The following LRRC37A2 variants were observed in gnomAD, a reference collection of about 807,000 sequenced individuals.
The protein encoded by LRRC37A2 is leucine rich repeat containing 37 member A2, also known as leucine-rich repeat-containing protein 37A2.
LRRC37A2 carries 9 observed loss-of-function variants against 68.8 expected under a neutral mutation model. The observed-to-expected ratio is 0.13, with a 90% CI of 0.08 to 0.23. The LOEUF (loss-of-function observed/expected upper bound fraction) is 0.23, where lower values mean the gene tolerates loss of function less well. Ranked by LOEUF, LRRC37A2 falls within the 10% of genes least tolerant of loss-of-function variation. The pLI, the probability that LRRC37A2 is intolerant of heterozygous loss-of-function variation, is 1.00. For synonymous variants in LRRC37A2, 63 were observed against 367.6 expected, an observed-to-expected ratio of 0.17 and a Z score of 9.48; for missense variants, 168 against 950.4, an observed-to-expected ratio of 0.18 and a Z score of 10.82.
At chr17:46,871,293 A>T in the LRRC37A2 span, among the ~76,000 whole-genome samples, 4 of 152,128 alleles carry the variant, frequency 2.6e-5, no homozygotes, top group Non-Finnish European at 5.9e-5. Flanking sequence ...AATGATGTAT[A>T]TTCCACCCAC....
At chr17:46,966,580 C>T in the LRRC37A2 span, 23 of 693,182 alleles carry the variant, frequency 3.3e-5, no homozygotes, top group Non-Finnish European at 6.1e-5. Flanking sequence ...AACTCCTGAG[C>T]TCAAGAGATC....
chr17:46,867,857 T>A, the LRRC37A2 span, among the ~76,000 whole-genome samples: 1 of 151,872 alleles, frequency 6.6e-6, no homozygotes, highest in African/African-American at 2.4e-5. Flanking sequence ...TGGTTGGGGG[T>A]GTCCTGGGGT....
chr17:46,491,174 G>A, the LRRC37A2 span, among the ~76,000 whole-genome samples: 3,591 of 151,024 alleles, frequency 0.024, 88 homozygotes, highest in Middle Eastern at 0.048. Flanking sequence ...TGGGATTATA[G>A]GCGTGAGCCA....
the LRRC37A2 span, chr17:46,876,327 T>G: frequency 1.9e-6 from 3 of 1,614,166 alleles, no homozygotes; most frequent in Non-Finnish European, 2.5e-6. Context: ...TGGAAGCAGC[T>G]CTCCCCGTTC....
At chr17:46,986,824 G>C in the LRRC37A2 span, among the ~76,000 whole-genome samples, 5 of 145,808 alleles carry the variant, frequency 3.4e-5, no homozygotes, top group African/African-American at 1.2e-4. Context: ...GTGACCTGCT[G>C]GGGGGAACAG....
At chr17:46,993,029 C>CAT in the LRRC37A2 span, among the ~76,000 whole-genome samples, 106,137 of 151,460 alleles carry the variant, frequency 0.7, 37,777 homozygotes, top group Middle Eastern at 0.78. Context: ...TATGCCCAAA[C>CAT]TGACAGTGGC....
intron 6 of LRRC37A2, among the ~76,000 whole-genome samples, chr17:46,537,143 A>T (rs1166814935): frequency 2.7e-5 from 1 of 36,808 alleles, no homozygotes; most frequent in African/African-American, 1.5e-4. Flanking sequence ...TTATGAAGGG[A>T]TGAATTTTTG....
chr17:46,694,247 T>C, the LRRC37A2 span, among the ~76,000 whole-genome samples: 1 of 137,030 alleles, frequency 7.3e-6, no homozygotes. Flanking sequence ...CTTAGCCGAG[T>C]GTGGTGGTGT....
At chr17:46,951,262 G>T in the LRRC37A2 span, among the ~76,000 whole-genome samples, 4 of 152,136 alleles carry the variant, frequency 2.6e-5, no homozygotes, top group African/African-American at 9.7e-5. Flanking sequence ...CCCGCTGGCC[G>T]CCCACAGTGA....
the LRRC37A2 span, among the ~76,000 whole-genome samples, chr17:46,988,569 C>G: frequency 1.3e-5 from 2 of 152,018 alleles, no homozygotes; most frequent in African/African-American, 2.4e-5. Context: ...GATTCTGGAG[C>G]CTGTGAATCT....
At chr17:46,852,627 G>C in the LRRC37A2 span, among the ~76,000 whole-genome samples, 1 of 152,080 alleles carries the variant, frequency 6.6e-6, no homozygotes, top group East Asian at 1.9e-4. Flanking sequence ...GGATGGGGGC[G>C]GGTATCATGG....
chr17:46,900,690 C>T, the LRRC37A2 span, among the ~76,000 whole-genome samples: 1 of 152,226 alleles, frequency 6.6e-6, no homozygotes. Flanking sequence ...TTCAGCAGTA[C>T]AGTACAAGGT....
chr17:46,774,603 GAGATCTC>G, the LRRC37A2 span, among the ~76,000 whole-genome samples: 1 of 152,200 alleles, frequency 6.6e-6, no homozygotes, highest in Non-Finnish European at 1.5e-5. Flanking sequence ...AGTCAGAAGG[GAGATCTC>G]AGATCTCACT....
the LRRC37A2 span, among the ~76,000 whole-genome samples, chr17:46,492,563 A>T: frequency 6.7e-6 from 1 of 150,316 alleles, no homozygotes; most frequent in Non-Finnish European, 1.5e-5. Flanking sequence ...TTGTATGTTT[A>T]TAAGAAACTG....
At chr17:46,722,092 C>T in the LRRC37A2 span, 1 of 1,611,250 alleles carries the variant, frequency 6.2e-7, no homozygotes, top group Non-Finnish European at 8.5e-7. Context: ...CCAGAAGAGC[C>T]TGGGAGATGG....
In LRRC37A2 at chr17:46,525,614, A is replaced by AATAATC. The variant is rs1363048681; in HGVS notation, c.2906+1732_2906+1733insAATCAT. Among the ~76,000 whole-genome samples, 53 of 114,412 alleles carry AATAATC rather than the reference A, an allele frequency of 4.6e-4. 2 individuals are homozygous for AATAATC. Among genetic ancestry groups the AATAATC allele is most frequent in the African/African-American group, 1.1e-3 (35 of 32,832 alleles). The allele number at this position is 114,412 out of a possible 152,430, so 75.1% of individuals were successfully genotyped here. On this transcript the variant is annotated intron_variant, in intron 6 of 14. Transcript: ENST00000576629. ...ATAATAATAATAATATAATAATAAT[A>AATAATC]ATCATCATCATCATCATCATCATCA... is the stretch of plus-strand genomic sequence containing the variant.
the LRRC37A2 span, among the ~76,000 whole-genome samples, chr17:46,760,866 A>T: frequency 1.3e-5 from 2 of 152,178 alleles, no homozygotes; most frequent in African/African-American, 4.8e-5. Context: ...AAAATTATTT[A>T]AAAATTTCAT....
chr17:47,034,170 C>CTACAA, the LRRC37A2 span, among the ~76,000 whole-genome samples: 1 of 152,152 alleles, frequency 6.6e-6, no homozygotes, highest in African/African-American at 2.4e-5. Context: ...ACCCCAATCT[C>CTACAA]TACAAAAAGA....
chr17:46,718,986 G>A, the LRRC37A2 span, among the ~76,000 whole-genome samples: 1 of 152,036 alleles, frequency 6.6e-6, no homozygotes, highest in African/African-American at 2.4e-5. Flanking sequence ...AAATGCTCTT[G>A]GTTTTATAAA....
Sources: gnomAD v4.1 joint callset for allele counts (sites outside exome capture counted in the v4.1 genomes callset) on GRCh38, gnomAD v4.1.1 for gene constraint, MANE v1.5 for transcripts, NCBI Gene and HGNC (gene_info 2026-07-23, HGNC 2026-07-21) for gene names.